The following HS6ST3 variants were observed in gnomAD, a reference collection of about 807,000 sequenced individuals.
The protein encoded by HS6ST3 is heparan sulfate 6-O-sulfotransferase 3, also known as heparan-sulfate 6-O-sulfotransferase 3.
Under a neutral mutation model 36.7 loss-of-function variants are expected in HS6ST3, and 12 were observed. The ratio of observed to expected loss-of-function variants is 0.33; its 90% CI spans 0.21 to 0.53. HS6ST3 has a LOEUF of 0.53. Among genes scored for constraint, HS6ST3 ranks in the 20% least tolerant of loss-of-function variants. HS6ST3 has a pLI of 0.95. For missense variants in HS6ST3, 584 were observed against 640.9 expected (o/e 0.91, Z 0.96); for synonymous variants, 240 against 257.5 (o/e 0.93, Z 0.65).
intron 1 of HS6ST3, among the ~76,000 whole-genome samples, chr13:96,556,804 T>C (rs1328833086): frequency 6.6e-6 from 1 of 152,110 alleles, no homozygotes; most frequent in Non-Finnish European, 1.5e-5. Flanking sequence ...CAATAGGAAC[T>C]GTAGCCCAAG....
chr13:96,605,016 C>A (rs1271311428), intron 1 of HS6ST3, among the ~76,000 whole-genome samples: 1 of 152,070 alleles, frequency 6.6e-6, no homozygotes, highest in Admixed American at 6.5e-5. Flanking sequence ...AGGGAAGGGG[C>A]TTTAAAATAT....
intron 1 of HS6ST3, among the ~76,000 whole-genome samples, chr13:96,097,658 C>T (rs1177823902): frequency 2.0e-5 from 3 of 152,028 alleles, no homozygotes; most frequent in African/African-American, 7.2e-5. Flanking sequence ...TTTATAAATT[C>T]CCTGTTGATT....
intron 1 of HS6ST3, among the ~76,000 whole-genome samples, chr13:96,443,349 T>G (rs954448208): frequency 2.0e-5 from 3 of 151,774 alleles, no homozygotes; most frequent in Non-Finnish European, 4.4e-5. Flanking sequence ...GCTAACATGG[T>G]GAAACCCTGG....
intron 1 of HS6ST3, among the ~76,000 whole-genome samples, chr13:96,754,538 C>T (rs932983588): frequency 1.3e-5 from 2 of 152,198 alleles, no homozygotes; most frequent in African/African-American, 4.8e-5. Flanking sequence ...GGTGACATCC[C>T]TCTTTTTCTA....
At chr13:96,539,610 C>T (rs1159376960) in intron 1 of HS6ST3, among the ~76,000 whole-genome samples, 1 of 152,170 alleles carries the variant, frequency 6.6e-6, no homozygotes, top group Non-Finnish European at 1.5e-5. Context: ...CCGCCTCAGC[C>T]TCCCAAAGTG....
At chr13:96,496,933 C>A (rs2055979884) in intron 1 of HS6ST3, among the ~76,000 whole-genome samples, 1 of 152,050 alleles carries the variant, frequency 6.6e-6, no homozygotes, top group South Asian at 2.1e-4. Flanking sequence ...TATAGGGATA[C>A]CTCATGGGGG....
At chr13:96,178,640 A>C (rs1179269847) in intron 1 of HS6ST3, among the ~76,000 whole-genome samples, 1 of 152,078 alleles carries the variant, frequency 6.6e-6, no homozygotes, top group South Asian at 2.1e-4. Context: ...TGCACTGGGG[A>C]TACTTTCTAC....
intron 1 of HS6ST3, among the ~76,000 whole-genome samples, chr13:96,221,651 G>A (rs2054456027): frequency 6.6e-6 from 1 of 152,048 alleles, no homozygotes; most frequent in Admixed American, 6.5e-5. Flanking sequence ...GGAGTGATGG[G>A]GTAAACTGGT....
At chr13:96,785,550 GC>G (rs1398930080) in intron 1 of HS6ST3, among the ~76,000 whole-genome samples, 5 of 152,132 alleles carry the variant, frequency 3.3e-5, no homozygotes, top group African/African-American at 1.2e-4. Context: ...TTGCAAGTGG[GC>G]AAAAGATAGC....
At chr13:96,285,191 T>C (rs935078859) in intron 1 of HS6ST3, among the ~76,000 whole-genome samples, 1 of 152,026 alleles carries the variant, frequency 6.6e-6, no homozygotes, top group Non-Finnish European at 1.5e-5. Context: ...ACCTCTTCAG[T>C]GTGATTCAGC....
chr13:96,168,985 G>A (rs999491136), intron 1 of HS6ST3, among the ~76,000 whole-genome samples: 3 of 152,046 alleles, frequency 2.0e-5, no homozygotes, highest in East Asian at 1.9e-4. Context: ...TCTGATTATT[G>A]CTCTCCACCC....
intron 1 of HS6ST3, among the ~76,000 whole-genome samples, chr13:96,255,464 T>TA (rs1479954725): frequency 3.9e-5 from 6 of 152,312 alleles, no homozygotes; most frequent in African/African-American, 1.2e-4. Context: ...TCTAATACAC[T>TA]AAAAAATATA....
intron 1 of HS6ST3, among the ~76,000 whole-genome samples, chr13:96,777,143 C>T (rs879249149): frequency 2.0e-5 from 3 of 152,090 alleles, no homozygotes; most frequent in African/African-American, 7.2e-5. Context: ...ATTCAACACC[C>T]CTTCATGCTA....
intron 1 of HS6ST3, among the ~76,000 whole-genome samples, chr13:96,557,684 A>G (rs188952762): frequency 1.7e-4 from 26 of 152,276 alleles, no homozygotes; most frequent in Admixed American, 1.6e-3. Context: ...TGTCCAAACC[A>G]TGGTTCACTT....
intron 1 of HS6ST3, among the ~76,000 whole-genome samples, chr13:96,688,062 G>A (rs1364402068): frequency 3.9e-5 from 2 of 50,990 alleles, no homozygotes; most frequent in Admixed American, 5.5e-4. Flanking sequence ...CACACACCGG[G>A]GCCTGTCATG....
intron 1 of HS6ST3, among the ~76,000 whole-genome samples, chr13:96,831,977 A>AAAAAAAAAAAAC (rs1555326624): frequency 2.6e-5 from 3 of 116,046 alleles, no homozygotes; most frequent in Non-Finnish European, 3.7e-5. Context: ...AAAAAAAAAA[A>AAAAAAAAAAAAC]AAACAGAGAT....
At chr13:96,491,857 A>G (rs966036027) in intron 1 of HS6ST3, among the ~76,000 whole-genome samples, 1 of 152,006 alleles carries the variant, frequency 6.6e-6, no homozygotes, top group Non-Finnish European at 1.5e-5. Context: ...TGCCTCGAAG[A>G]TCTCCCAGAC....
intron 1 of HS6ST3, among the ~76,000 whole-genome samples, chr13:96,298,901 T>G (rs1342511704): frequency 6.6e-6 from 1 of 152,186 alleles, no homozygotes; most frequent in African/African-American, 2.4e-5. Context: ...CAATACCTGT[T>G]GGAGATAAAG....
intron 1 of HS6ST3, among the ~76,000 whole-genome samples, chr13:96,180,456 G>A (rs1245843815): frequency 2.0e-5 from 3 of 152,096 alleles, no homozygotes; most frequent in Non-Finnish European, 2.9e-5. Context: ...AAGAAAAAAA[G>A]CTTTTATTCA....
Sources: gnomAD v4.1 joint callset for allele counts (sites outside exome capture counted in the v4.1 genomes callset) on GRCh38, gnomAD v4.1.1 for gene constraint, MANE v1.5 for transcripts, NCBI Gene and HGNC (gene_info 2026-07-23, HGNC 2026-07-21) for gene names.